ATXN10: variants seen among roughly 807,000 people sequenced by gnomAD.
The protein encoded by ATXN10 is ataxin-10.
In ATXN10, 28 loss-of-function variants were observed where a neutral mutation model predicts 52.9. The ratio of observed to expected loss-of-function variants is 0.53; its 90% CI spans 0.39 to 0.73. The LOEUF (loss-of-function observed/expected upper bound fraction) is 0.73. Among genes scored for constraint, ATXN10 ranks in the 30% least tolerant of loss-of-function variants. The pLI is 0.00. For synonymous variants in ATXN10, 226 were observed against 221.5 expected (o/e 1.02, Z -0.18); for missense variants, 565 against 577.0 (o/e 0.98, Z 0.21).
Position 45,696,067 on chromosome 22 carries a change from C to G in ATXN10, c.391+2989C>G, listed in dbSNP as rs1923594212. Among the ~76,000 whole-genome samples, 1 of 152,146 alleles carries G rather than the reference C, an allele frequency of 6.6e-6. No homozygotes were observed. Among genetic ancestry groups the G allele is most frequent in the Admixed American group, 6.5e-5 (1 of 15,272 alleles). On this transcript the variant is annotated intron_variant, in intron 3 of 11. Coordinates refer to ENST00000252934, the MANE Select transcript of ATXN10 (RefSeq NM_013236.4). This position sits in a 1 kb window ranked among gnomAD's most constrained non-coding sequence, Gnocchi z 4.7. Reference sequence around the variant, plus strand: ...CCTTTAAGAATTTACAGACAAAGTGCATCACCATGTTTTTTTGAGCATCAG... The same window carrying G: ...CCTTTAAGAATTTACAGACAAAGTGGATCACCATGTTTTTTTGAGCATCAG...
chr22:45,817,645 T>C (rs1928510607), intron 10 of ATXN10, among the ~76,000 whole-genome samples: 1 of 151,736 alleles, frequency 6.6e-6, no homozygotes, highest in African/African-American at 2.4e-5. Context: ...TTTTTTTAAG[T>C]TGTATAGTAA....
chr22:45,796,825 C>G (rs776555542), intron 9 of ATXN10, among the ~76,000 whole-genome samples: 7 of 151,998 alleles, frequency 4.6e-5, no homozygotes, highest in Non-Finnish European at 1.0e-4. Context: ...AGGCAAGACT[C>G]AATTATATGC....
At chr22:45,721,386 A>T (rs1349466551) in intron 6 of ATXN10, among the ~76,000 whole-genome samples, 2 of 152,300 alleles carry the variant, frequency 1.3e-5, no homozygotes, top group East Asian at 3.9e-4. Context: ...AATGAGAATA[A>T]TAGTAGCTAC....
chr22:45,741,141 G>T (rs1925519267), intron 9 of ATXN10, among the ~76,000 whole-genome samples: 1 of 152,120 alleles, frequency 6.6e-6, no homozygotes, highest in African/African-American at 2.4e-5. Context: ...TTTACTTCGG[G>T]TGGCATTTGA....
intron 9 of ATXN10, among the ~76,000 whole-genome samples, chr22:45,761,399 G>T (rs1317218879): frequency 6.6e-6 from 1 of 152,196 alleles, no homozygotes. Context: ...CACAGTGAGT[G>T]CTCTGTAAAC....
At chr22:45,792,787 A>C (rs1370412871) in intron 9 of ATXN10, 1 of 508,128 alleles carries the variant, frequency 2.0e-6, no homozygotes, top group Non-Finnish European at 4.0e-6. Flanking sequence ...CTCCAATCCA[A>C]TTTTGTGACA....
At chr22:45,807,313 T>C (rs1046639018) in intron 10 of ATXN10, among the ~76,000 whole-genome samples, 35 of 152,356 alleles carry the variant, frequency 2.3e-4, no homozygotes, top group African/African-American at 7.7e-4. Context: ...GGCACTGTGC[T>C]GCGCATCACC....
rs993242795 is a variant in ATXN10, at chr22:45,671,886, G to C, written c.-178G>C. The C allele has an allele frequency of 2.3e-5, 15 of 643,330 alleles. No homozygotes were observed. Among genetic ancestry groups the C allele is most frequent in the Non-Finnish European group, 3.3e-5 (13 of 397,002 alleles). The allele number at this position is 643,330 out of a possible 1,614,324, so 39.9% of individuals were successfully genotyped here. On this transcript the variant is annotated 5_prime_UTR_variant, in exon 1 of 12. Transcript: ENST00000252934. ...GTCTGGGCTCAGCCTAGAGCTCTCC[G>C]GCGGCGGCGCAGCTTCAGGGCAGCG...
chr22:45,791,178 A>G (rs181012090), intron 9 of ATXN10, among the ~76,000 whole-genome samples: 5 of 152,274 alleles, frequency 3.3e-5, no homozygotes, highest in Admixed American at 3.3e-4. Context: ...TTATTGCTTT[A>G]GTTTGTTTTT....
At chr22:45,796,158 C>T (rs1023086899) in intron 9 of ATXN10, among the ~76,000 whole-genome samples, 1 of 152,194 alleles carries the variant, frequency 6.6e-6, no homozygotes, top group Non-Finnish European at 1.5e-5. Flanking sequence ...CTAAAATGGC[C>T]GCTCAGGGAG....
intron 10 of ATXN10, among the ~76,000 whole-genome samples, chr22:45,807,363 A>T (rs1928134661): frequency 6.6e-6 from 1 of 152,206 alleles, no homozygotes; most frequent in Non-Finnish European, 1.5e-5. Context: ...TCTAGAGTAG[A>T]CACGAACTAT....
At chr22:45,740,889 A>G (rs924392339) in intron 9 of ATXN10, 45 of 158,274 alleles carry the variant, frequency 2.8e-4, no homozygotes, top group African/African-American at 3.8e-4. Context: ...TCTATATCCT[A>G]TGTTTATGGA....
Position 45,754,710 on chromosome 22 carries a change from C to T in ATXN10, c.1173+14172C>T, listed in dbSNP as rs1926113512. 6.6e-6 allele frequency among the ~76,000 whole-genome samples: 1 copy of T among 152,180 alleles called. No individual in the cohort carries two copies. Among genetic ancestry groups the T allele is most frequent in the South Asian group, 2.1e-4 (1 of 4,834 alleles). On this transcript the variant is annotated intron_variant, in intron 9 of 11. Transcript: ENST00000252934. The surrounding 1 kb of genome is among the most constrained non-coding windows in gnomAD (Gnocchi z 5.4). ...TCTACTAAAAATACAAAAAAATTAG[C>T]CAGATATGGTGGCTCATGCCTGTAG...
intron 6 of ATXN10, among the ~76,000 whole-genome samples, chr22:45,719,985 C>G (rs1364569904): frequency 6.7e-6 from 1 of 149,880 alleles, no homozygotes; most frequent in African/African-American, 2.5e-5. Context: ...AGCAGGTGCT[C>G]AAAAAGAAAA....
intron 9 of ATXN10, among the ~76,000 whole-genome samples, chr22:45,751,763 A>AAAAAAT: frequency 1.5e-5 from 1 of 66,626 alleles, no homozygotes; most frequent in Non-Finnish European, 2.9e-5. Context: ...AATAAAAAAA[A>AAAAAAT]AATAATAATA....
intron 9 of ATXN10, among the ~76,000 whole-genome samples, chr22:45,753,250 A>G (rs1346051513): frequency 6.9e-6 from 1 of 145,300 alleles, no homozygotes; most frequent in East Asian, 2.0e-4. Context: ...ACTTGATCTC[A>G]TCTTCTTAGG....
intron 9 of ATXN10, among the ~76,000 whole-genome samples, chr22:45,773,146 C>T (rs751833455): frequency 7.2e-5 from 11 of 152,136 alleles, no homozygotes; most frequent in African/African-American, 1.2e-4. Context: ...CCTGGTTGTT[C>T]GTCTCGCATG....
Position 45,751,420 on chromosome 22 carries a change from G to A in ATXN10, c.1173+10882G>A, listed in dbSNP as rs563859372. ...CTGGGCTGGTGGTGATAGGGTTTGT[G>A]TGTTTTTGAGAGAGAGAGAGAGAGA... On this transcript the variant is annotated intron_variant, in intron 9 of 11. Coordinates refer to ENST00000252934, the MANE Select transcript of ATXN10 (RefSeq NM_013236.4). 2.8e-4 allele frequency among the ~76,000 whole-genome samples: 32 copies of A among 114,266 alleles called. No individual in the cohort carries two copies. The East Asian group carries it at 9.9e-3, about 35-fold the overall frequency. 75.0% of individuals were successfully genotyped at this position (114,266 alleles called of 152,430 possible).
At chr22:45,703,902 C>T (rs1056249507) in intron 5 of ATXN10, 1 of 152,304 alleles carries the variant, frequency 6.6e-6, no homozygotes, top group Non-Finnish European at 1.5e-5. Context: ...AAGGATACAG[C>T]CTCAGAAGCC....
Sources: allele counts gnomAD v4.1 joint callset (sites outside exome capture counted in the v4.1 genomes callset), GRCh38; gene constraint gnomAD v4.1.1; non-coding constraint Gnocchi (gnomAD v3.1); transcripts MANE v1.5; gene names NCBI Gene and HGNC (gene_info 2026-07-23, HGNC 2026-07-21).